Variants in SYNE2 observed in about 807,000 individuals in gnomAD.
SYNE2 encodes the protein spectrin repeat containing nuclear envelope protein 2.
SYNE2 carries 431 observed loss-of-function variants against 856.3 expected under a neutral mutation model. That is an observed-to-expected ratio of 0.50 (90% confidence interval 0.47 to 0.55). The LOEUF is 0.55. Ranked by LOEUF, SYNE2 falls within the 20% of genes least tolerant of loss-of-function variation. The probability of loss-of-function intolerance (pLI) is 0.00; values close to 1 mark genes in which losing one functional copy is unlikely to be tolerated. For missense variants in SYNE2, 8,129 were observed against 8,023.2 expected (o/e 1.01, Z -0.50); for synonymous variants, 2,923 against 2,872.3 (o/e 1.02, Z -0.56).
At position 63,821,546 on chromosome 14, in the gene SYNE2, G is replaced by T. The variant is rs534389515; in HGVS notation, c.-304-30955G>T. Among the ~76,000 whole-genome samples, 9 of 151,808 alleles carry T rather than the reference G, an allele frequency of 5.9e-5. No homozygotes were observed. The East Asian group carries it at 1.8e-3, about 30-fold the overall frequency. On this transcript the variant is annotated intron_variant, in intron 1 of 23. Coordinates refer to the SYNE2 transcript ENST00000674003. Reference sequence around the variant, plus strand: ...AGGTGGATGGATCACTTGAGGTTAGGAGTTCGAGACCAGCCTGGCCAACAT... The same window carrying T: ...AGGTGGATGGATCACTTGAGGTTAGTAGTTCGAGACCAGCCTGGCCAACAT...
intron 21 of SYNE2, among the ~76,000 whole-genome samples, chr14:63,993,389 C>G (rs911216681): frequency 3.9e-5 from 6 of 152,006 alleles, no homozygotes; most frequent in Non-Finnish European, 5.9e-5. Flanking sequence ...TATCTCAAAA[C>G]AAAAAACAAA....
intron 100 of SYNE2, among the ~76,000 whole-genome samples, chr14:64,204,971 C>A (rs559352811): frequency 6.6e-6 from 1 of 152,140 alleles, no homozygotes; most frequent in Non-Finnish European, 1.5e-5. Flanking sequence ...GGCTCACATG[C>A]GCCTTCTTCT....
chr14:64,123,556 A>G (rs1388471169), intron 70 of SYNE2, among the ~76,000 whole-genome samples: 1 of 152,218 alleles, frequency 6.6e-6, no homozygotes, highest in Non-Finnish European at 1.5e-5. Context: ...GGTCTCTTGC[A>G]AACAGGAGAA....
Position 64,080,780 on chromosome 14 carries a change from G to A in SYNE2, c.11346+142G>A, listed in dbSNP as rs1190238232. 7 of 1,008,128 alleles carry A rather than the reference G, an allele frequency of 6.9e-6. No individual in the cohort carries two copies. In the East Asian group the frequency reaches 8.0e-5, roughly 11 times the overall value. 62.4% of individuals were successfully genotyped at this position (1,008,128 alleles called of 1,614,324 possible). ...AGCTGGGGCCATGGTAGGCTTGTGTGGGTGCTGAGGAGACAGATTTCAATG... is the reference window on the plus strand; with the variant it reads ...AGCTGGGGCCATGGTAGGCTTGTGTAGGTGCTGAGGAGACAGATTTCAATG... On this transcript the variant is annotated intron_variant, in intron 56 of 115. Transcript: ENST00000555002.
At chr14:64,094,207 G>A (rs1448368201) in intron 61 of SYNE2, among the ~76,000 whole-genome samples, 2 of 151,892 alleles carry the variant, frequency 1.3e-5, no homozygotes, top group South Asian at 2.1e-4. Context: ...GTTGGTGGGC[G>A]CCTGTAGTCC....
chr14:64,107,419 A>G (rs1016688042), intron 64 of SYNE2, 72 bp from the exon 65 acceptor site: 13 of 1,315,646 alleles, frequency 9.9e-6, no homozygotes, highest in Middle Eastern at 1.8e-4. Context: ...TAAAATGAGC[A>G]TGCGCAGAAA....
intron 1 of SYNE2, among the ~76,000 whole-genome samples, chr14:63,859,945 TTCCCTCCCTCCC>T (rs201459646): frequency 3.2e-4 from 32 of 100,570 alleles, no homozygotes; most frequent in African/African-American, 9.2e-4. Flanking sequence ...CTCCCCTTCC[TTCCCTCCCTCCC>T]TCCCTCCCTC....
intron 11 of SYNE2, among the ~76,000 whole-genome samples, chr14:63,974,886 G>GTATATA (rs1315971121): frequency 9.1e-4 from 24 of 26,282 alleles, no homozygotes; most frequent in African/African-American, 2.7e-3. Context: ...GTGTGTGTGT[G>GTATATA]TGTGTGTATA....
At chr14:64,027,168 T>C (rs1459394757) in intron 42 of SYNE2, among the ~76,000 whole-genome samples, 1 of 152,218 alleles carries the variant, frequency 6.6e-6, no homozygotes, top group East Asian at 1.9e-4. Flanking sequence ...TGTTTTACTT[T>C]ATGAAGAAGT....
intron 96 of SYNE2, among the ~76,000 whole-genome samples, chr14:64,185,995 A>G (rs566932795): frequency 1.2e-3 from 189 of 152,366 alleles, no homozygotes; most frequent in Non-Finnish European, 2.2e-3. Flanking sequence ...GATTGCCACA[A>G]TAGCAGCAAT....
At chr14:64,216,135 T>G in intron 107 of SYNE2, 113 bp from the exon 108 acceptor site, 1 of 1,582,436 alleles carries the variant, frequency 6.3e-7, no homozygotes, top group Non-Finnish European at 8.5e-7. Flanking sequence ...CAAACATGCA[T>G]GCTTTGCAAG....
intron 67 of SYNE2, 26 bp from the exon 68 acceptor site, chr14:64,120,901 G>A (rs771168014): frequency 6.4e-5 from 104 of 1,612,976 alleles, no homozygotes; most frequent in Non-Finnish European, 8.4e-5. Context: ...AAAATAAATA[G>A]CCTGCCATTA....
intron 1 of SYNE2, among the ~76,000 whole-genome samples, chr14:63,815,257 T>A (rs1003357975): frequency 7.2e-6 from 1 of 138,460 alleles, no homozygotes; most frequent in African/African-American, 2.6e-5. Context: ...TATATATATA[T>A]AAGGGAGTTT....
chr14:63,973,618 C>T lies in SYNE2; in HGVS notation c.1129-2945C>T, dbSNP rs867835132. ...CTACACTCCAGCCTGGGTAACACAC[C>T]GAGAGTCCATCTCAAAAAAAAAAAA... is the stretch of plus-strand genomic sequence containing the variant. On this transcript the variant is annotated intron_variant, in intron 11 of 115. Coordinates refer to ENST00000555002, the MANE Select transcript of SYNE2 (RefSeq NM_182914.3). Among the ~76,000 whole-genome samples, 7 of 118,758 alleles carry T rather than the reference C, an allele frequency of 5.9e-5. No individual in the cohort carries two copies. The Admixed American group carries it at 5.9e-4, about 10-fold the overall frequency. The allele number at this position is 118,758 out of a possible 152,430, so 77.9% of individuals were successfully genotyped here.
In SYNE2 at chr14:64,129,814, C is replaced by T. The variant is rs755641355; in HGVS notation, c.14052C>T (p.Asn4684=). ...ATGCATATACAGTGGAGCTGGAGAA[C>T]GCCGAGAGCCGAGTGGCCAAACTAA... The part of the protein sequence containing the change: ...KADAYTVELE[N]AESRVAKLRD... The change falls in exon 75 of 116, where the codon AAC becomes AAT. Residue 4684 remains asparagine, a synonymous_variant. Coordinates refer to ENST00000555002, the MANE Select transcript of SYNE2 (RefSeq NM_182914.3). The T allele has an allele frequency of 3.9e-5, 63 of 1,614,018 alleles. No individual in the cohort carries two copies. Among genetic ancestry groups the T allele is most frequent in the East Asian group, 4.5e-5 (2 of 44,906 alleles).
chr14:64,217,055 C>G (rs2098669912), intron 108 of SYNE2, among the ~76,000 whole-genome samples: 1 of 152,180 alleles, frequency 6.6e-6, no homozygotes, highest in African/African-American at 2.4e-5. Flanking sequence ...AACCTTTTGT[C>G]CATACATCCT....
chr14:64,022,764 C>G lies in SYNE2; in HGVS notation c.5538C>G (p.Asn1846Lys). 1 of 1,597,538 alleles carries G rather than the reference C, an allele frequency of 6.3e-7. No individual in the cohort carries two copies. The highest frequency in any genetic ancestry group is 1.3e-5 in the African/African-American group (1 of 74,536). ...TTCCCCCTGCAGATCAATGCAAGAACTTTAATGACTGGTTCAGCAACATTA... is the reference window on the plus strand; with the variant it reads ...TTCCCCCTGCAGATCAATGCAAGAAGTTTAATGACTGGTTCAGCAACATTA... ...FSKLLNDQCK[N>K]FNDWFSNIKV... The change falls in exon 38 of 116, where the codon AAC becomes AAG. Residue 1846 changes from asparagine (N) to lysine (K), a missense_variant. This residue lies in a region of SYNE2 where 2,422 missense variants were observed against 2,357.4 expected (regional missense o/e 1.03). Coordinates refer to ENST00000555002, the MANE Select transcript of SYNE2 (RefSeq NM_182914.3).
chr14:63,814,250 A>ACAGAG (rs1431823252), intron 1 of SYNE2, among the ~76,000 whole-genome samples: 2 of 151,776 alleles, frequency 1.3e-5, no homozygotes, highest in African/African-American at 4.8e-5. Context: ...AGTCTGGGCC[A>ACAGAG]CAGAGCGAGG....
chr14:64,051,526 T>C (rs762726372), intron 47 of SYNE2, 31 bp from the exon 48 acceptor site: 1 of 1,581,546 alleles, frequency 6.3e-7, no homozygotes. Flanking sequence ...GCATTAAATA[T>C]TAACAAGCTC....
Sources: allele counts gnomAD v4.1 joint callset (sites outside exome capture counted in the v4.1 genomes callset), GRCh38; gene constraint gnomAD v4.1.1; regional missense constraint gnomAD v4.1.1; transcripts MANE v1.5; gene names NCBI Gene and HGNC (gene_info 2026-07-23, HGNC 2026-07-21).